PCDHGA3: variants seen among roughly 807,000 people sequenced by gnomAD.
The protein encoded by PCDHGA3 is protocadherin gamma subfamily A, 3, also known as protocadherin gamma-A3.
Under a neutral mutation model 58.5 loss-of-function variants are expected in PCDHGA3, and 40 were observed. The observed-to-expected ratio is 0.68, with a 90% CI of 0.53 to 0.89. The LOEUF (loss-of-function observed/expected upper bound fraction) is 0.89. PCDHGA3 is among the 40% of genes least tolerant of loss of function. PCDHGA3 has a pLI of 0.00. For missense variants in PCDHGA3, 1,223 were observed against 1,195.9 expected (o/e 1.02, Z -0.33); for synonymous variants, 530 against 525.7 (o/e 1.01, Z -0.11).
chr5:141,361,611 A>T, intron 1 of PCDHGA3: 2 of 1,613,948 alleles, frequency 1.2e-6, no homozygotes, highest in Non-Finnish European at 1.7e-6. Context: ...ACTCCATCGT[A>T]GCGAGCGACC....
intron 1 of PCDHGA3, chr5:141,376,559 C>A (rs758448085): frequency 2.3e-5 from 37 of 1,609,380 alleles, no homozygotes; most frequent in Admixed American, 6.7e-5. Flanking sequence ...TCCCGCAACC[C>A]AACTAATCAG....
At chr5:141,385,719 G>A (rs970031267) in intron 1 of PCDHGA3, 6 of 232,964 alleles carry the variant, frequency 2.6e-5, no homozygotes, top group Non-Finnish European at 3.6e-5. Context: ...ATATGTAAAA[G>A]GTTCTGAAAG....
chr5:141,361,047 G>C, intron 1 of PCDHGA3: 1 of 1,613,616 alleles, frequency 6.2e-7, no homozygotes, highest in Non-Finnish European at 8.5e-7. Flanking sequence ...TCACGACAAA[G>C]GATGATTTGG....
Position 141,491,162 on chromosome 5 carries a change from C to T in PCDHGA3, c.2425-3645C>T. 6.2e-7 allele frequency: 1 copy of T among 1,614,112 alleles called. No homozygotes were observed. Among genetic ancestry groups the T allele is most frequent in the Non-Finnish European group, 8.5e-7 (1 of 1,179,952 alleles). On this transcript the variant is annotated intron_variant, in intron 1 of 3. Coordinates refer to ENST00000253812, the MANE Select transcript of PCDHGA3 (RefSeq NM_018916.4). This position sits in a 1 kb window ranked among gnomAD's most constrained non-coding sequence, Gnocchi z 6.9. ...GCCTTACTGGAGGATGACTCTGACA[C>T]CCAGCAGGTGGTGGTCCTGGTGAGG...
rs1053018756 is a variant in PCDHGA3, at chr5:141,497,630, G to T, written c.2483+2765G>T. ...TCTTGGCTCACTGCAACCTCTGCCT[G>T]CCAGGTTCAAGCGATTCTCCTGCCT... is the stretch of plus-strand genomic sequence containing the variant. On this transcript the variant is annotated intron_variant, in intron 2 of 3. Coordinates refer to ENST00000253812, the MANE Select transcript of PCDHGA3 (RefSeq NM_018916.4). 3.3e-5 allele frequency among the ~76,000 whole-genome samples: 5 copies of T among 150,256 alleles called. No homozygotes were observed. The Admixed American group carries it at 3.3e-4, about 10-fold the overall frequency.
chr5:141,497,191 A>G (rs2099774633), intron 2 of PCDHGA3, among the ~76,000 whole-genome samples: 1 of 126,864 alleles, frequency 7.9e-6, no homozygotes, highest in Admixed American at 8.3e-5. Context: ...TGAGAGGCAG[A>G]GAACAATGTG....
rs1364415249 is a variant in PCDHGA3 at position 141,489,240 on chromosome 5, C to A, written c.2425-5567C>A. The stretch of plus-strand genomic sequence containing the variant: ...ACTCTCCACAAAGGGACTTCTGGGT[C>A]ATGGGGCCCAAGACACTCCCACAGC... On this transcript the variant is annotated intron_variant, in intron 1 of 3. Coordinates refer to ENST00000253812, the MANE Select transcript of PCDHGA3 (RefSeq NM_018916.4). The surrounding 1 kb of genome is among the most constrained non-coding windows in gnomAD (Gnocchi z 4.5). 1 of 1,534,136 alleles carries A rather than the reference C, an allele frequency of 6.5e-7. No individual in the cohort carries two copies. Among genetic ancestry groups the A allele is most frequent in the South Asian group, 1.3e-5 (1 of 76,896 alleles).
Position 141,438,021 on chromosome 5 carries a change from G to T in PCDHGA3, c.2425-56786G>T, listed in dbSNP as rs112167613. ...CTCCCAAATAGCTGAGATTACAGGT[G>T]TGAGCCACCATGCCCGACCACTTTG... On this transcript the variant is annotated intron_variant, in intron 1 of 3. Transcript: ENST00000253812. Among the ~76,000 whole-genome samples the T allele has an allele frequency of 1.6e-3, 250 of 152,256 alleles. 2 individuals are homozygous for T. Among genetic ancestry groups the T allele is most frequent in the African/African-American group, 5.3e-3 (221 of 41,544 alleles).
In PCDHGA3 at chr5:141,381,826, C is replaced by CTTTTTTTT. The variant is rs770630741; in HGVS notation, c.2424+35384_2424+35391dup. Among the ~76,000 whole-genome samples, 48 of 74,286 alleles carry CTTTTTTTT rather than the reference C, an allele frequency of 6.5e-4. 1 individual carries two copies. Among genetic ancestry groups the CTTTTTTTT allele is most frequent in the African/African-American group, 1.0e-3 (17 of 16,198 alleles). 48.7% of individuals were successfully genotyped at this position (74,286 alleles called of 152,430 possible). On this transcript the variant is annotated intron_variant, in intron 1 of 3. Coordinates refer to ENST00000253812, the MANE Select transcript of PCDHGA3 (RefSeq NM_018916.4). Reference sequence around the variant, plus strand: ...TTTCTTTCTTTCTTTCTTTCTTCTTCTTTTTTTTTTTTTTTTTTTTTTGGC... The same window carrying CTTTTTTTT: ...TTTCTTTCTTTCTTTCTTTCTTCTTCTTTTTTTTTTTTTTTTTTTTTTTTTTTTTTGGC...
In PCDHGA3 at chr5:141,511,131, C is replaced by T; in HGVS notation, c.2757C>T (p.Gly919=). ...GGGATGGCAAGGCCCCAGCAGGTGG[C>T]AATGGCAACAAGAAGAAGTCGGGCA... is the stretch of plus-strand genomic sequence containing the variant. ...GKRDGKAPAG[G]NGNKKKSGKK... is the part of the protein sequence containing the mutation. The change falls in exon 4 of 4, where the codon GGC becomes GGT. Residue 919 remains glycine (G), a synonymous_variant. Coordinates refer to ENST00000253812, the MANE Select transcript of PCDHGA3 (RefSeq NM_018916.4). 2 of 1,614,202 alleles carry T rather than the reference C, an allele frequency of 1.2e-6. No homozygotes were observed. Among genetic ancestry groups the T allele is most frequent in the Non-Finnish European group, 1.7e-6 (2 of 1,180,020 alleles).
intron 1 of PCDHGA3, chr5:141,479,339 G>GTA (rs1298553162): frequency 1.3e-5 from 2 of 152,644 alleles, no homozygotes; most frequent in East Asian, 3.8e-4. Context: ...GTGTGCACCT[G>GTA]TAGTTCTTGC....
intron 1 of PCDHGA3, chr5:141,414,528 C>T: frequency 6.2e-7 from 1 of 1,613,970 alleles, no homozygotes; most frequent in Non-Finnish European, 8.5e-7. Flanking sequence ...ATATCAATGA[C>T]AACCCACCTA....
chr5:141,453,144 C>T lies in PCDHGA3; in HGVS notation c.2425-41663C>T, dbSNP rs530175947. ...TTGTTTTGTTTTTGAGATAGGGTCT[C>T]GCTATGTCACCCAGGCTGGAGTCCA... On this transcript the variant is annotated intron_variant, in intron 1 of 3. Transcript: ENST00000253812. Among the ~76,000 whole-genome samples, 290 of 152,062 alleles carry T rather than the reference C, an allele frequency of 1.9e-3. 1 individual carries two copies. The highest frequency in any genetic ancestry group is 6.3e-3 in the African/African-American group (260 of 41,478).
intron 1 of PCDHGA3, chr5:141,417,252 G>C (rs2096099745): frequency 6.6e-6 from 1 of 152,148 alleles, no homozygotes; most frequent in Admixed American, 6.5e-5. Context: ...AGTACTTCCA[G>C]CTTCATAGAT....
chr5:141,393,959 T>G, intron 1 of PCDHGA3: 1 of 1,613,970 alleles, frequency 6.2e-7, no homozygotes, highest in Non-Finnish European at 8.5e-7. Flanking sequence ...ATGGTCAAGT[T>G]GTCTGTTACA....
chr5:141,497,240 GA>G (rs1221446648), intron 2 of PCDHGA3, among the ~76,000 whole-genome samples: 125 of 152,188 alleles, frequency 8.2e-4, no homozygotes, highest in African/African-American at 3.0e-3. Flanking sequence ...AGGCTTCTAG[GA>G]GGAGGTGACA....
Position 141,432,804 on chromosome 5 carries a change from C to T in PCDHGA3, c.2425-62003C>T, listed in dbSNP as rs1482036720. The T allele has an allele frequency of 1.2e-6, 2 of 1,614,182 alleles. No individual in the cohort carries two copies. Among genetic ancestry groups the T allele is most frequent in the Non-Finnish European group, 1.7e-6 (2 of 1,180,008 alleles). ...GACCTCGGCAGCCTCGAGTCTCCAG[C>T]TAACTCTGAAACCTCAGACCTCACT... is the stretch of plus-strand genomic sequence containing the variant. On this transcript the variant is annotated intron_variant, in intron 1 of 3. Transcript: ENST00000253812. This position sits in a 1 kb window ranked among gnomAD's most constrained non-coding sequence, Gnocchi z 6.0.
intron 1 of PCDHGA3, among the ~76,000 whole-genome samples, chr5:141,447,378 T>C (rs2098536967): frequency 6.6e-6 from 1 of 152,148 alleles, no homozygotes; most frequent in Non-Finnish European, 1.5e-5. Context: ...ACCCTGGTGA[T>C]CTGCCCACCT....
chr5:141,487,312 TAA>T lies in PCDHGA3; in HGVS notation c.2425-7494_2425-7493del, dbSNP rs1464336630. ...TTGGCTCATTCGTGGCACTACTCTC[TAA>T]GTGTCTTCGTGGGGCAGCCTGTGGA... On this transcript the variant is annotated intron_variant, in intron 1 of 3. Transcript: ENST00000253812. The surrounding 1 kb of genome is among the most constrained non-coding windows in gnomAD (Gnocchi z 5.0). 1 of 1,614,158 alleles carries T rather than the reference TAA, an allele frequency of 6.2e-7. No homozygotes were observed. Among genetic ancestry groups the T allele is most frequent in the African/African-American group, 1.3e-5 (1 of 75,056 alleles).
Sources: gnomAD v4.1 joint callset for allele counts (sites outside exome capture counted in the v4.1 genomes callset) on GRCh38, gnomAD v4.1.1 for gene constraint, Gnocchi (gnomAD v3.1) non-coding constraint, MANE v1.5 for transcripts, NCBI Gene and HGNC (gene_info 2026-07-23, HGNC 2026-07-21) for gene names.